The following SPRED2 variants were observed in gnomAD, a reference collection of about 807,000 sequenced individuals.
SPRED2 encodes the protein sprouty related EVH1 domain containing 2, also known as sprouty-related, EVH1 domain-containing protein 2.
In SPRED2, 47 loss-of-function variants were observed where a neutral mutation model predicts 43.0. The ratio of observed to expected loss-of-function variants is 1.09; its 90% CI spans 0.87 to 1.40. The LOEUF (loss-of-function observed/expected upper bound fraction) is 1.40, where lower values mean the gene tolerates loss of function less well. Among genes scored for constraint, SPRED2 ranks in the 40% most tolerant of loss-of-function variants. SPRED2 has a pLI of 0.00. For missense variants in SPRED2, 561 were observed against 586.4 expected, an observed-to-expected ratio of 0.96 and a Z score of 0.45; for synonymous variants, 225 against 225.7, an observed-to-expected ratio of 1.00 and a Z score of 0.03.
In SPRED2 at chr2:65,410,003, T is replaced by C. The variant is rs182773514; in HGVS notation, c.26+21959A>G. Among the ~76,000 whole-genome samples the C allele has an allele frequency of 2.1e-4, 31 of 150,330 alleles. No individual in the cohort carries two copies. In the East Asian group the frequency reaches 5.9e-3, roughly 28 times the overall value. ...CAAGATTGCACCACTGTACTCCAAC[T>C]TGGTAACAGAGTGAGACTCTGCCTC... is the stretch of plus-strand genomic sequence containing the variant. On this transcript the variant is annotated intron_variant, in intron 1 of 5. Transcript: ENST00000356388.
chr2:65,310,290 C>A (rs1351670610), downstream of SPRED2, among the ~76,000 whole-genome samples: 2 of 152,034 alleles, frequency 1.3e-5, no homozygotes, highest in South Asian at 4.1e-4. Flanking sequence ...TTCTCTGTGA[C>A]CCTCAGAAGA....
intron 1 of SPRED2, among the ~76,000 whole-genome samples, chr2:65,402,278 C>CAAAAAAAAA (rs58209803): frequency 1.6e-5 from 1 of 64,404 alleles, no homozygotes; most frequent in African/African-American, 7.1e-5. Context: ...GACTCTGTCT[C>CAAAAAAAAA]AAAAAAAAAA....
chr2:65,372,014 A>G (rs1230390670), intron 1 of SPRED2, among the ~76,000 whole-genome samples: 1 of 152,064 alleles, frequency 6.6e-6, no homozygotes, highest in African/African-American at 2.4e-5. Flanking sequence ...CAGAGGTTGC[A>G]GTGAACAGAG....
At chr2:65,420,265 C>G (rs1022267582) in intron 1 of SPRED2, among the ~76,000 whole-genome samples, 2 of 144,876 alleles carry the variant, frequency 1.4e-5, no homozygotes, top group Non-Finnish European at 3.0e-5. Context: ...GAAGATACAA[C>G]TGGAGGGTCT....
Position 65,349,308 on chromosome 2 carries a change from C to CAAAAA in SPRED2, c.27-4417_27-4413dup, listed in dbSNP as rs59019958. Among the ~76,000 whole-genome samples the CAAAAA allele has an allele frequency of 5.0e-3, 416 of 83,614 alleles. 32 individuals carry two copies. The highest frequency in any genetic ancestry group is 0.031 in the East Asian group (74 of 2,418). The allele number at this position is 83,614 out of a possible 152,430, so 54.9% of individuals were successfully genotyped here. A position where few individuals can be genotyped will look rare whatever the true frequency, so the allele number is the denominator to read the frequency against. On this transcript the variant is annotated intron_variant, in intron 1 of 5. Coordinates refer to ENST00000356388, the MANE Select transcript of SPRED2 (RefSeq NM_181784.3). ...CTGGCGACACAGCAAGACTCTGTCT[C>CAAAAA]AAAAAAAAAAAAAAAAAAAAAAGAA...
At chr2:65,344,922 A>C in intron 1 of SPRED2, 26 bp from the exon 2 acceptor site, 1 of 1,602,038 alleles carries the variant, frequency 6.2e-7, no homozygotes, top group Non-Finnish European at 8.5e-7. Flanking sequence ...GAAGAAGCAC[A>C]GGGCATGACA....
chr2:65,331,388 G>T (rs1421878555), intron 4 of SPRED2, among the ~76,000 whole-genome samples: 1 of 152,206 alleles, frequency 6.6e-6, no homozygotes, highest in African/African-American at 2.4e-5. Flanking sequence ...GAAGCAGCAA[G>T]CTGAGAAATC....
intron 1 of SPRED2, among the ~76,000 whole-genome samples, chr2:65,407,245 C>CTTT (rs70943650): frequency 6.6e-5 from 8 of 120,968 alleles, no homozygotes; most frequent in African/African-American, 2.7e-4. Flanking sequence ...GCGCTGGCTC[C>CTTT]TTTTTTTTTT....
intron 2 of SPRED2, among the ~76,000 whole-genome samples, chr2:65,341,281 T>C (rs1430658905): frequency 6.6e-6 from 1 of 150,796 alleles, no homozygotes; most frequent in Non-Finnish European, 1.5e-5. Flanking sequence ...GTGACTTAGG[T>C]ACTAGTGAAT....
At chr2:65,345,500 ATTT>A (rs1674327072) in intron 1 of SPRED2, among the ~76,000 whole-genome samples, 1 of 152,014 alleles carries the variant, frequency 6.6e-6, no homozygotes, top group African/African-American at 2.4e-5. Context: ...ACATCAGGTG[ATTT>A]ACCCATGTTG....
downstream of SPRED2, among the ~76,000 whole-genome samples, chr2:65,309,718 A>G (rs961291244): frequency 6.6e-6 from 1 of 152,160 alleles, no homozygotes; most frequent in Non-Finnish European, 1.5e-5. Flanking sequence ...ATTCCGCAGA[A>G]AGTTAAACAT....
intron 1 of SPRED2, among the ~76,000 whole-genome samples, chr2:65,407,546 G>A (rs1443896022): frequency 1.3e-5 from 2 of 152,104 alleles, no homozygotes. Flanking sequence ...GGGAAGTGCT[G>A]CCAACTTAAA....
intron 1 of SPRED2, among the ~76,000 whole-genome samples, chr2:65,404,837 C>A (rs993629572): frequency 9.9e-5 from 15 of 152,172 alleles, no homozygotes; most frequent in African/African-American, 3.6e-4. Flanking sequence ...CATGAACAGA[C>A]CACCTTTCCC....
chr2:65,344,577 G>A, intron 2 of SPRED2, 142 bp downstream of exon 2: 1 of 1,121,610 alleles, frequency 8.9e-7, no homozygotes, highest in Non-Finnish European at 1.3e-6. Flanking sequence ...ACCAGCTCCG[G>A]GGTTCTAACT....
chr2:65,391,355 T>A (rs190590749), intron 1 of SPRED2, among the ~76,000 whole-genome samples: 16 of 152,276 alleles, frequency 1.1e-4, no homozygotes, highest in Admixed American at 7.2e-4. Context: ...GTCATGCCAG[T>A]AACACCACAG....
intron 4 of SPRED2, among the ~76,000 whole-genome samples, chr2:65,331,703 G>T (rs945276639): frequency 6.6e-6 from 1 of 152,166 alleles, no homozygotes; most frequent in Non-Finnish European, 1.5e-5. Context: ...CAGGGCAGCT[G>T]GTCATCCTAA....
chr2:65,372,306 C>CTG (rs1675143474), intron 1 of SPRED2, among the ~76,000 whole-genome samples: 1 of 152,134 alleles, frequency 6.6e-6, no homozygotes, highest in Non-Finnish European at 1.5e-5. Context: ...TCTAGATAGT[C>CTG]TGAGTTTCTC....
At chr2:65,398,854 A>G (rs1353346828) in intron 1 of SPRED2, among the ~76,000 whole-genome samples, 1 of 147,872 alleles carries the variant, frequency 6.8e-6, no homozygotes, top group Non-Finnish European at 1.5e-5. Flanking sequence ...TTGGTCCAGC[A>G]ATCCCACTAC....
chr2:65,423,599 A>G (rs1676486930), intron 1 of SPRED2, among the ~76,000 whole-genome samples: 1 of 152,210 alleles, frequency 6.6e-6, no homozygotes, highest in Non-Finnish European at 1.5e-5. Flanking sequence ...TACAAAGTGA[A>G]AATCTTGTTT....
Sources: gnomAD v4.1 joint callset for allele counts (sites outside exome capture counted in the v4.1 genomes callset) on GRCh38, gnomAD v4.1.1 for gene constraint, MANE v1.5 for transcripts, NCBI Gene and HGNC (gene_info 2026-07-23, HGNC 2026-07-21) for gene names.